PGAM5: variants seen among roughly 807,000 people sequenced by gnomAD.
The protein encoded by PGAM5 is serine/threonine-protein phosphatase PGAM5, mitochondrial.
A neutral mutation model predicts 30.6 loss-of-function variants in PGAM5; 25 were observed. The ratio of observed to expected loss-of-function variants is 0.82; its 90% CI spans 0.60 to 1.14. PGAM5 has a LOEUF of 1.14. PGAM5 is among the 50% of genes most tolerant of loss of function. The pLI is 0.00. For synonymous variants in PGAM5, 201 were observed against 179.1 expected (o/e 1.12, Z -0.98); for missense variants, 384 against 408.5 (o/e 0.94, Z 0.52).
intron 5 of PGAM5, 135 bp from the exon 6 acceptor site, chr12:132,720,543 G>A: frequency 1.2e-6 from 1 of 834,128 alleles, no homozygotes; most frequent in Non-Finnish European, 1.8e-6. Context: ...TCCTGACCTT[G>A]TGATCCACCC....
intron 2 of PGAM5, among the ~76,000 whole-genome samples, chr12:132,716,331 C>G (rs560176026): frequency 6.6e-6 from 1 of 151,816 alleles, no homozygotes; most frequent in Non-Finnish European, 1.5e-5. Context: ...GTGATCCACC[C>G]GCCTCGGCCT....
chr12:132,714,232 A>C (rs143523703), intron 1 of PGAM5, among the ~76,000 whole-genome samples: 2 of 152,128 alleles, frequency 1.3e-5, no homozygotes, highest in Non-Finnish European at 2.9e-5. Context: ...TGGCCAGGCT[A>C]GTGTCGAACT....
At chr12:132,714,057 G>T (rs549184406) in intron 1 of PGAM5, among the ~76,000 whole-genome samples, 6 of 152,194 alleles carry the variant, frequency 3.9e-5, no homozygotes, top group Admixed American at 3.3e-4. Flanking sequence ...TCACTCTGTC[G>T]CCCAGACTGG....
At chr12:132,720,092 C>CATTCATGTCGATCCCAGTCATCG (rs1156900363) in intron 5 of PGAM5, among the ~76,000 whole-genome samples, 7 of 49,664 alleles carry the variant, frequency 1.4e-4, no homozygotes, top group East Asian at 1.3e-3. Context: ...GTGATGGCTC[C>CATTCATGTCGATCCCAGTCATCG]ATTCATGTCG....
At chr12:132,718,768 G>A (rs769711594) in intron 5 of PGAM5, 28 of 1,613,356 alleles carry the variant, frequency 1.7e-5, no homozygotes, top group Non-Finnish European at 2.2e-5. Flanking sequence ...GCAGCATCCC[G>A]CCGCTGTTGT....
chr12:132,717,816 G>C lies in PGAM5; in HGVS notation c.585+18G>C, dbSNP rs1458851912. ...AAGCTGTGGTAAAAACCTCCCCGGG[G>C]GGCAGCTGTGTCACCCTCGCCTTCC... On this transcript the variant is annotated intron_variant, in intron 4 of 5. Transcript: ENST00000498926. 6.3e-7 allele frequency: 1 copy of C among 1,577,874 alleles called. No individual in the cohort carries two copies. Among genetic ancestry groups the C allele is most frequent in the African/African-American group, 1.4e-5 (1 of 73,980 alleles).
chr12:132,720,567 A>C, intron 5 of PGAM5, 111 bp from the exon 6 acceptor site: 1 of 1,161,708 alleles, frequency 8.6e-7, no homozygotes, highest in Non-Finnish European at 1.2e-6. Context: ...TGGCCTCCCA[A>C]AGTGCTGGGA....
chr12:132,711,120 T>C, intron 1 of PGAM5, 53 bp downstream of exon 1: 2 of 1,168,474 alleles, frequency 1.7e-6, no homozygotes, highest in Admixed American at 4.5e-5. Context: ...AGGGCAGGTG[T>C]TACCGTTGGG....
At chr12:132,713,010 A>T (rs1031901750) in intron 1 of PGAM5, among the ~76,000 whole-genome samples, 8 of 151,980 alleles carry the variant, frequency 5.3e-5, no homozygotes, top group Non-Finnish European at 8.8e-5. Flanking sequence ...ATACAAAAAA[A>T]TTAGCCAGGC....
At position 132,720,906 on chromosome 12, in the gene PGAM5, C is replaced by T. The variant is rs2136089177; in HGVS notation, c.*78C>T. On this transcript the variant is annotated 3_prime_UTR_variant, in exon 6 of 6. Transcript: ENST00000498926. ...AACGTTTTGTTCCCAAGGAGACCGG[C>T]GGAAAGTAGAAACCTGCAATGCTGC... 5.5e-6 allele frequency: 8 copies of T among 1,445,424 alleles called. No homozygotes were observed. In the East Asian group the frequency reaches 1.0e-4, roughly 18 times the overall value. 89.5% of individuals were successfully genotyped at this position (1,445,424 alleles called of 1,614,324 possible).
In PGAM5 at chr12:132,720,799, A is replaced by G; in HGVS notation, c.841A>G (p.Met281Val). ...ALRTLGDTGF[M>V]PPDKITRS is the part of the protein sequence containing the mutation. ...CAGGACCCTCGGGGACACGGGGTTC[A>G]TGCCTCCCGACAAGATCACTCGATC... The change falls in exon 6 of 6, where the codon ATG becomes GTG. Residue 281 changes from methionine to valine, a missense_variant. Met to Val is a conservative substitution (Grantham distance 21). Transcript: ENST00000498926. The G allele has an allele frequency of 3.9e-6, 6 of 1,536,404 alleles. No homozygotes were observed. In the South Asian group the frequency reaches 4.8e-5, roughly 12 times the overall value.
chr12:132,719,477 C>T (rs1186018159), intron 5 of PGAM5, among the ~76,000 whole-genome samples: 1 of 152,230 alleles, frequency 6.6e-6, no homozygotes, highest in Non-Finnish European at 1.5e-5. Flanking sequence ...GGTGTGGCCT[C>T]AGGCTAAGTG....
chr12:132,714,896 A>G lies in PGAM5; in HGVS notation c.230A>G (p.Asn77Ser), dbSNP rs760535409. 3.1e-6 allele frequency: 5 copies of G among 1,613,626 alleles called. No individual in the cohort carries two copies. In the East Asian group the frequency reaches 1.1e-4, roughly 36 times the overall value. ...PLSLINVRKR[N>S]VESGEEELAS... ...TCTCTGATCAACGTGCGGAAGAGGA[A>G]CGTGGAATCTGGGGAAGAAGAGCTG... Residue 77 changes from asparagine (N) to serine (S), a missense_variant, in exon 2 of 6, where the codon AAC (asparagine) becomes AGC (serine). By Grantham distance (46) the Asn-to-Ser change is conservative (BLOSUM62 1). Transcript: ENST00000498926.
Position 132,718,694 on chromosome 12 carries a change from AT to A in PGAM5, c.719+576del. On this transcript the variant is annotated intron_variant, in intron 5 of 5. Transcript: ENST00000498926. Reference sequence around the variant, plus strand: ...CTGCCCTGGTTGTTTTCCCTTTGTAATTGAACGTCCTGTTTCCCCTCAAACT... The same window carrying A: ...CTGCCCTGGTTGTTTTCCCTTTGTAATGAACGTCCTGTTTCCCCTCAAACT... 3.2e-6 allele frequency: 5 copies of A among 1,554,158 alleles called. No individual in the cohort carries two copies. The South Asian group carries it at 5.6e-5, about 17-fold the overall frequency.
At chr12:132,718,795 G>C (rs760168152) in intron 5 of PGAM5, 14 of 1,613,624 alleles carry the variant, frequency 8.7e-6, no homozygotes, top group Non-Finnish European at 9.3e-6. Context: ...GGGATTTTGT[G>C]CTTCTGGGGT....
In PGAM5 at chr12:132,722,254, GTTTTTTTT is replaced by G. The variant is rs386378313; in HGVS notation, c.*1432_*1439del. The G allele has an allele frequency of 2.4e-5, 2 of 82,078 alleles. No homozygotes were observed. The highest frequency in any genetic ancestry group is 6.7e-5 in the African/African-American group (2 of 30,004). 5.1% of individuals were successfully genotyped at this position (82,078 alleles called of 1,614,324 possible). Reference sequence around the variant, plus strand: ...GGATTAAATGTGTGGTTTTTTTTTTGTTTTTTTTTTTTTGGAGACGGAGTCTCGCTCTG... The same window carrying G: ...GGATTAAATGTGTGGTTTTTTTTTTGTTTTTGGAGACGGAGTCTCGCTCTG... On this transcript the variant is annotated 3_prime_UTR_variant, in exon 6 of 6. Coordinates refer to ENST00000498926, the MANE Select transcript of PGAM5 (RefSeq NM_001170543.2).
At chr12:132,718,722 G>A (rs374642487) in intron 5 of PGAM5, 111 of 1,609,640 alleles carry the variant, frequency 6.9e-5, no homozygotes, top group African/African-American at 1.1e-4. Context: ...CCTCAAACTC[G>A]ACCAACCACC....
chr12:132,719,371 G>C (rs1021962140), intron 5 of PGAM5, among the ~76,000 whole-genome samples: 7 of 152,210 alleles, frequency 4.6e-5, no homozygotes, highest in African/African-American at 1.7e-4. Flanking sequence ...ATGGTCAAGA[G>C]CAGCAGCTCC....
In PGAM5 at chr12:132,718,121, G is replaced by T; in HGVS notation, c.719+1G>T. ...ACGTCATCCGCTACATCGTGTGCAG[G>T]TAGGCAGCTGCTGGGCTGGGCGTGG... is the stretch of plus-strand genomic sequence containing the variant. On this transcript the variant is annotated splice_donor_variant, in intron 5 of 5. Transcript: ENST00000498926. LOFTEE classifies it high-confidence loss of function. The T allele has an allele frequency of 6.2e-7, 1 of 1,612,534 alleles. No homozygotes were observed. The highest frequency in any genetic ancestry group is 8.5e-7 in the Non-Finnish European group (1 of 1,179,922).
Sources: allele counts gnomAD v4.1 joint callset (sites outside exome capture counted in the v4.1 genomes callset), GRCh38; gene constraint gnomAD v4.1.1; transcripts MANE v1.5; gene names NCBI Gene and HGNC (gene_info 2026-07-23, HGNC 2026-07-21).